Variants in CCDC169 observed in about 807,000 individuals in gnomAD.
CCDC169 encodes coiled-coil domain containing 169.
CCDC169 carries 30 observed loss-of-function variants against 36.0 expected under a neutral mutation model. The observed-to-expected ratio is 0.83, with a 90% CI of 0.62 to 1.13. The LOEUF (loss-of-function observed/expected upper bound fraction) is 1.13. Ranked by LOEUF, CCDC169 falls within the 50% of genes most tolerant of loss-of-function variation. The pLI is 0.00. For synonymous variants in CCDC169, 85 were observed against 81.5 expected, an observed-to-expected ratio of 1.04 and a Z score of -0.23; for missense variants, 245 against 245.9, an observed-to-expected ratio of 1.00 and a Z score of 0.03.
intron 7 of CCDC169, among the ~76,000 whole-genome samples, chr13:36,245,067 A>G (rs1594012071): frequency 6.6e-6 from 1 of 152,220 alleles, no homozygotes; most frequent in East Asian, 1.9e-4. Flanking sequence ...GAAATTTGCT[A>G]TACTTGAGTG....
intron 4 of CCDC169, among the ~76,000 whole-genome samples, chr13:36,258,710 T>A (rs947428150): frequency 3.3e-5 from 5 of 151,384 alleles, no homozygotes; most frequent in African/African-American, 1.2e-4. Context: ...CTTTAGCATA[T>A]AATCAAGAAA....
At chr13:36,245,003 T>C (rs983181430) in intron 7 of CCDC169, among the ~76,000 whole-genome samples, 1 of 152,188 alleles carries the variant, frequency 6.6e-6, no homozygotes, top group Admixed American at 6.5e-5. Context: ...AAGAATATAC[T>C]TTATCTAGCC....
At chr13:36,235,661 C>A (rs1423214951) in intron 7 of CCDC169, among the ~76,000 whole-genome samples, 1 of 151,204 alleles carries the variant, frequency 6.6e-6, no homozygotes, top group Non-Finnish European at 1.5e-5. Context: ...TAAAAGGCAT[C>A]CAAATTAGAA....
chr13:36,254,086 G>T lies in CCDC169; in HGVS notation c.373C>A (p.Gln125Lys). 6.5e-7 allele frequency: 1 copy of T among 1,548,294 alleles called. No individual in the cohort carries two copies. Among genetic ancestry groups the T allele is most frequent in the South Asian group, 1.2e-5 (1 of 83,434 alleles). The stretch of plus-strand genomic sequence containing the variant: ...AGTTTAAGTGCATAGTATTTCACTT[G>T]ACTTTCAAGAGTCTTCTTTTCTTCT... ...LEEEKKTLES[Q>K]VKYYALKLEQ... is the part of the protein sequence containing the mutation. Residue 125 changes from glutamine to lysine, a missense_variant, in exon 5 of 8, where the codon CAA (glutamine) becomes AAA (lysine). Transcript: ENST00000239859.
rs1208746676 is a variant in CCDC169, at chr13:36,297,743, C to G, written c.-24G>C. ...ATAGTGTCAGGCCAGAGACCTCCCG[C>G]GTCTTTCCCCTCAGCACCTTAGAGC... On this transcript the variant is annotated 5_prime_UTR_variant, in exon 1 of 8. Coordinates refer to ENST00000239859, the MANE Select transcript of CCDC169 (RefSeq NM_001144981.3). The G allele has an allele frequency of 1.3e-6, 2 of 1,548,464 alleles. No individual in the cohort carries two copies. The highest frequency in any genetic ancestry group is 4.9e-5 in the East Asian group (2 of 40,900).
chr13:36,282,555 T>C, intron 4 of CCDC169: 1 of 985,222 alleles, frequency 1.0e-6, no homozygotes, highest in Non-Finnish European at 1.2e-6. Flanking sequence ...ACCAGTTCTG[T>C]TTATACTGAA....
downstream of CCDC169, chr13:36,227,433 T>C: frequency 6.9e-7 from 1 of 1,445,984 alleles, no homozygotes; most frequent in East Asian, 2.5e-5. Context: ...AAGGTACAAA[T>C]ATGCTAATAA....
At chr13:36,235,145 T>C (rs913621813) in intron 7 of CCDC169, among the ~76,000 whole-genome samples, 1 of 150,230 alleles carries the variant, frequency 6.7e-6, no homozygotes, top group Non-Finnish European at 1.5e-5. Flanking sequence ...GTTTTGAACC[T>C]AAAGTAGATT....
chr13:36,259,214 C>G lies in CCDC169; in HGVS notation c.316-5071G>C, dbSNP rs185857815. 1.3e-3 allele frequency among the ~76,000 whole-genome samples: 196 copies of G among 152,222 alleles called. 1 individual carries two copies. The South Asian group carries it at 0.016, about 12-fold the overall frequency. On this transcript the variant is annotated intron_variant, in intron 4 of 7. Transcript: ENST00000239859. ...CGGAATTAGAAGGCAGCGTCCTGAC[C>G]CCTGGCGATGAGCTGAGTCAATTGG...
rs796104937 is a variant in CCDC169, at chr13:36,272,091, A to AG, written c.315+11377_315+11378insC. 4.4e-3 allele frequency among the ~76,000 whole-genome samples: 601 copies of AG among 136,030 alleles called. 7 individuals carry two copies. Among genetic ancestry groups the AG allele is most frequent in the African/African-American group, 0.015 (570 of 38,746 alleles). 89.2% of individuals were successfully genotyped at this position (136,030 alleles called of 152,430 possible). ...CAGAGTGAGGCTCCGTCTCAAAAAA[A>AG]AAAAAAACTAAAAAAATAAATAAAT... On this transcript the variant is annotated intron_variant, in intron 4 of 7. Transcript: ENST00000239859.
intron 2 of CCDC169, among the ~76,000 whole-genome samples, chr13:36,292,888 C>T (rs1220572330): frequency 1.3e-5 from 2 of 152,142 alleles, no homozygotes; most frequent in South Asian, 2.1e-4. Flanking sequence ...GTAGGATCTA[C>T]TCCACAAAGG....
chr13:36,259,246 T>C (rs1482037070), intron 4 of CCDC169, among the ~76,000 whole-genome samples: 1 of 152,132 alleles, frequency 6.6e-6, no homozygotes, highest in Non-Finnish European at 1.5e-5. Flanking sequence ...TTGGTCCCTG[T>C]CTCCCCCTCA....
rs1594038208 is a variant in CCDC169 at position 36,258,406 on chromosome 13, C to T, written c.316-4263G>A. 2.0e-5 allele frequency among the ~76,000 whole-genome samples: 3 copies of T among 152,200 alleles called. No individual in the cohort carries two copies. The East Asian group carries it at 5.8e-4, about 29-fold the overall frequency. ...CCAGGAAGTTAGACAATCTTAATCA[C>T]AGGATGAAATAGGAGGTTGGCACAA... On this transcript the variant is annotated intron_variant, in intron 4 of 7. Transcript: ENST00000239859.
intron 7 of CCDC169, among the ~76,000 whole-genome samples, chr13:36,233,171 G>C (rs1323588445): frequency 6.6e-6 from 1 of 152,154 alleles, no homozygotes; most frequent in Non-Finnish European, 1.5e-5. Context: ...ATTGATGCTA[G>C]GCATTTAAAT....
At chr13:36,246,464 T>A (rs1458894555) in intron 7 of CCDC169, among the ~76,000 whole-genome samples, 1 of 152,124 alleles carries the variant, frequency 6.6e-6, no homozygotes, top group African/African-American at 2.4e-5. Context: ...CAAAACCTAA[T>A]CAAGAGTAAG....
At chr13:36,271,558 C>T (rs1456004045) in intron 4 of CCDC169, among the ~76,000 whole-genome samples, 1 of 152,114 alleles carries the variant, frequency 6.6e-6, no homozygotes, top group Non-Finnish European at 1.5e-5. Context: ...ATATATACAC[C>T]ATGGAATACT....
At chr13:36,255,575 T>G (rs1327642011) in intron 4 of CCDC169, among the ~76,000 whole-genome samples, 1 of 150,266 alleles carries the variant, frequency 6.7e-6, no homozygotes. Flanking sequence ...GGAAGGAGAA[T>G]CGCTTGGAAC....
At chr13:36,288,991 A>G (rs1455435548) in intron 2 of CCDC169, among the ~76,000 whole-genome samples, 1 of 152,140 alleles carries the variant, frequency 6.6e-6, no homozygotes, top group Admixed American at 6.5e-5. Flanking sequence ...GTAAGTTATG[A>G]TAAGGTTCAT....
chr13:36,229,895 T>A (rs917922599), downstream of CCDC169, among the ~76,000 whole-genome samples: 1 of 152,122 alleles, frequency 6.6e-6, no homozygotes, highest in African/African-American at 2.4e-5. Flanking sequence ...AAAGATGGTA[T>A]AAGACATAAA....
Sources: gnomAD v4.1 joint callset for allele counts (sites outside exome capture counted in the v4.1 genomes callset) on GRCh38, gnomAD v4.1.1 for gene constraint, MANE v1.5 for transcripts, NCBI Gene and HGNC (gene_info 2026-07-23, HGNC 2026-07-21) for gene names.